Variants in ADAMTSL2 observed in about 807,000 individuals in gnomAD.
The protein encoded by ADAMTSL2 is ADAMTS-like protein 2.
ADAMTSL2 carries 55 observed loss-of-function variants against 117.0 expected under a neutral mutation model. The ratio of observed to expected loss-of-function variants is 0.47; its 90% CI spans 0.38 to 0.59. The LOEUF (loss-of-function observed/expected upper bound fraction) is 0.59. Ranked by LOEUF, ADAMTSL2 falls within the 20% of genes least tolerant of loss-of-function variation. The probability of loss-of-function intolerance (pLI) is 0.00; values close to 1 mark genes in which losing one functional copy is unlikely to be tolerated. For missense variants in ADAMTSL2, 1,182 were observed against 1,354.5 expected, an observed-to-expected ratio of 0.87 and a Z score of 2.00; for synonymous variants, 572 against 566.4, an observed-to-expected ratio of 1.01 and a Z score of -0.14.
intron 15 of ADAMTSL2, 111 bp from the exon 16 acceptor site, chr9:133,569,297 C>T (rs1314992044): frequency 2.6e-5 from 29 of 1,106,544 alleles, no homozygotes; most frequent in Middle Eastern, 2.2e-4. Context: ...CCATGGCAAC[C>T]GCTTCGACAC....
At position 133,540,572 on chromosome 9, in the gene ADAMTSL2, C is replaced by T. The variant is rs772579070; in HGVS notation, c.413-26C>T. On this transcript the variant is annotated intron_variant, in intron 5 of 18. Transcript: ENST00000651351. ...CCGGCATTTCCTGCCCCGCTGAAAC[C>T]TTCTGTCTTTGTCTCCCTCCACCAG... 8 of 1,612,486 alleles carry T rather than the reference C, an allele frequency of 5.0e-6. No individual in the cohort carries two copies. In the South Asian group the frequency reaches 5.5e-5, roughly 11 times the overall value.
Position 133,558,214 on chromosome 9 carries a change from G to A in ADAMTSL2, c.1649+2284G>A, listed in dbSNP as rs939161386. Among the ~76,000 whole-genome samples, 1 of 152,180 alleles carries A rather than the reference G, an allele frequency of 6.6e-6. No homozygotes were observed. Among genetic ancestry groups the A allele is most frequent in the Admixed American group, 6.5e-5 (1 of 15,280 alleles). ...GAAAGGCCCTGACTGCTGAGATGCC[G>A]CTGCTCCCCCGGCCGGCCTGCCATC... is the stretch of plus-strand genomic sequence containing the variant. On this transcript the variant is annotated intron_variant, in intron 11 of 18. Coordinates refer to ENST00000651351, the MANE Select transcript of ADAMTSL2 (RefSeq NM_014694.4). The surrounding 1 kb of genome is among the most constrained non-coding windows in gnomAD (Gnocchi z 4.3).
At chr9:133,551,906 T>C (rs1400592147) in intron 9 of ADAMTSL2, among the ~76,000 whole-genome samples, 1 of 148,720 alleles carries the variant, frequency 6.7e-6, no homozygotes, top group Non-Finnish European at 1.5e-5. Flanking sequence ...CTCAGCTCCC[T>C]GCAACCTCCG....
intron 7 of ADAMTSL2, among the ~76,000 whole-genome samples, chr9:133,542,610 A>G (rs1830252051): frequency 6.6e-6 from 1 of 152,218 alleles, no homozygotes; most frequent in Non-Finnish European, 1.5e-5. Flanking sequence ...GCCTGGCAAC[A>G]GCTCTACAAG....
Position 133,557,573 on chromosome 9 carries a change from G to T in ADAMTSL2, c.1649+1643G>T, listed in dbSNP as rs1830630754. On this transcript the variant is annotated intron_variant, in intron 11 of 18. Coordinates refer to ENST00000651351, the MANE Select transcript of ADAMTSL2 (RefSeq NM_014694.4). The surrounding 1 kb of genome is among the most constrained non-coding windows in gnomAD (Gnocchi z 5.2). ...TCCTGGGTAAAGGGCAGGAGGGACG[G>T]ACCCAGACAGTGCCTGCCTGTGGGA... is the stretch of plus-strand genomic sequence containing the variant. Among the ~76,000 whole-genome samples the T allele has an allele frequency of 1.3e-5, 2 of 152,150 alleles. No homozygotes were observed. The highest frequency in any genetic ancestry group is 2.9e-5 in the Non-Finnish European group (2 of 68,018).
chr9:133,572,693 CT>C (rs1319273598), intron 17 of ADAMTSL2, among the ~76,000 whole-genome samples: 3 of 152,182 alleles, frequency 2.0e-5, no homozygotes, highest in African/African-American at 7.2e-5. Context: ...GAGCATCCCC[CT>C]AGCCCTGATG....
intron 12 of ADAMTSL2, among the ~76,000 whole-genome samples, chr9:133,563,811 G>GAA (rs1361466912): frequency 7.6e-6 from 1 of 131,576 alleles, no homozygotes; most frequent in Admixed American, 8.0e-5. Context: ...GAGAGAGAGA[G>GAA]AAAGGGGGAG....
intron 4 of ADAMTSL2, among the ~76,000 whole-genome samples, chr9:133,539,027 C>T (rs538799114): frequency 9.9e-5 from 15 of 152,264 alleles, no homozygotes; most frequent in Non-Finnish European, 1.6e-4. Context: ...CAGGCTGGCT[C>T]GTGTGGCTTG....
At position 133,534,881 on chromosome 9, in the gene ADAMTSL2, C is replaced by T; in HGVS notation, c.-187C>T. The T allele has an allele frequency of 6.8e-7, 1 of 1,460,622 alleles. No homozygotes were observed. Among genetic ancestry groups the T allele is most frequent in the Non-Finnish European group, 9.1e-7 (1 of 1,101,060 alleles). 90.5% of individuals were successfully genotyped at this position (1,460,622 alleles called of 1,614,324 possible). On this transcript the variant is annotated 5_prime_UTR_variant, in exon 1 of 19. Transcript: ENST00000651351. ...CGTCTGCCCTCCGCAGCGCTCGCCC[C>T]TTTCTCTGGGAGGACAACCTGCTGA...
At chr9:133,562,637 ACCGCCGTGGGCGGCGTGGCGGGCACCGG>A in intron 12 of ADAMTSL2, among the ~76,000 whole-genome samples, 1 of 122,796 alleles carries the variant, frequency 8.1e-6, no homozygotes, top group African/African-American at 3.2e-5. Context: ...CCCGGTTCGC[ACCGCCGTGGGCGGCGTGGCGGGCACCGG>A]CTTGGCCAGG....
chr9:133,556,161 T>C (rs1830601034), intron 11 of ADAMTSL2, among the ~76,000 whole-genome samples: 1 of 152,106 alleles, frequency 6.6e-6, no homozygotes, highest in Non-Finnish European at 1.5e-5. Context: ...GTTATGTCCA[T>C]GGATTAGGAT....
chr9:133,557,510 G>C lies in ADAMTSL2; in HGVS notation c.1649+1580G>C, dbSNP rs76849603. Among the ~76,000 whole-genome samples the C allele has an allele frequency of 0.056, 8,499 of 152,210 alleles. 387 individuals carry two copies. Among genetic ancestry groups the C allele is most frequent in the African/African-American group, 0.13 (5,202 of 41,496 alleles). Reference sequence around the variant, plus strand: ...TCAGGACTCGGGCGGGGAGGGCCGGGCCTTGCTTTGGGTATAGTGTCTGAG... The same window carrying C: ...TCAGGACTCGGGCGGGGAGGGCCGGCCCTTGCTTTGGGTATAGTGTCTGAG... On this transcript the variant is annotated intron_variant, in intron 11 of 18. Coordinates refer to ENST00000651351, the MANE Select transcript of ADAMTSL2 (RefSeq NM_014694.4). The surrounding 1 kb of genome is among the most constrained non-coding windows in gnomAD (Gnocchi z 5.2).
Position 133,536,686 on chromosome 9 carries a change from G to C in ADAMTSL2, c.-27G>C, listed in dbSNP as rs775979762. ...CTGGAAGAGGATCGGAGCTGGCCTG[G>C]TGGTGACAGTGGCCTTGCTTCCTAG... On this transcript the variant is annotated 5_prime_UTR_variant, in exon 2 of 19. Transcript: ENST00000651351. The C allele has an allele frequency of 6.2e-7, 1 of 1,614,070 alleles. No individual in the cohort carries two copies. The highest frequency in any genetic ancestry group is 8.5e-7 in the Non-Finnish European group (1 of 1,180,040).
Position 133,570,523 on chromosome 9 carries a change from GC to G in ADAMTSL2, c.2592+20del. The G allele has an allele frequency of 6.2e-7, 1 of 1,606,462 alleles. No individual in the cohort carries two copies. The highest frequency in any genetic ancestry group is 8.5e-7 in the Non-Finnish European group (1 of 1,177,182). On this transcript the variant is annotated intron_variant, in intron 17 of 18. Transcript: ENST00000651351. ...CTGGTCAGAGGTGAGCTCCCAGCCG[GC>G]CCCTCTGAGGTTGCCTGAGGCCAGA...
In ADAMTSL2 at chr9:133,573,908, C is replaced by G; in HGVS notation, c.2658C>G (p.Ile886Met). 6.2e-7 allele frequency: 1 copy of G among 1,614,134 alleles called. No homozygotes were observed. Among genetic ancestry groups the G allele is most frequent in the South Asian group, 1.1e-5 (1 of 91,078 alleles). Residue 886 changes from isoleucine (I) to methionine (M), a missense_variant, in exon 18 of 19, where the codon ATC becomes ATG. By Grantham distance (10) the Ile-to-Met change is conservative (BLOSUM62 1). Transcript: ENST00000651351. ...RDVKCYQGTD[I>M]VRGCDPLVKP... is the part of the protein sequence containing the mutation. ...TCAAGTGCTACCAGGGGACCGACAT[C>G]GTCCGTGGTTGCGATCCGTTGGTGA...
intron 12 of ADAMTSL2, among the ~76,000 whole-genome samples, chr9:133,565,616 A>G (rs1830951224): frequency 6.6e-6 from 1 of 152,164 alleles, no homozygotes; most frequent in Admixed American, 6.5e-5. Context: ...TCCTTTACGG[A>G]AAAAAGAAAA....
chr9:133,563,824 A>C (rs1588301877), intron 12 of ADAMTSL2, among the ~76,000 whole-genome samples: 1 of 83,996 alleles, frequency 1.2e-5, no homozygotes, highest in Non-Finnish European at 2.5e-5. Context: ...AGGGGGAGAG[A>C]GAGAGAGAGA....
chr9:133,539,242 A>C (rs1268361058), intron 4 of ADAMTSL2, among the ~76,000 whole-genome samples: 1 of 152,164 alleles, frequency 6.6e-6, no homozygotes, highest in African/African-American at 2.4e-5. Context: ...AGAGGGACCC[A>C]GGTTTGAGCT....
At chr9:133,574,050 G>C in intron 18 of ADAMTSL2, 63 bp downstream of exon 18, 1 of 1,551,672 alleles carries the variant, frequency 6.4e-7, no homozygotes, top group Non-Finnish European at 8.7e-7. Flanking sequence ...GACAGAGTCA[G>C]GGCCTGAGGG....
Sources: allele counts gnomAD v4.1 joint callset (sites outside exome capture counted in the v4.1 genomes callset), GRCh38; gene constraint gnomAD v4.1.1; non-coding constraint Gnocchi (gnomAD v3.1); transcripts MANE v1.5; gene names NCBI Gene and HGNC (gene_info 2026-07-23, HGNC 2026-07-21).